AP3S1: variants seen among roughly 807,000 people sequenced by gnomAD.
AP3S1 encodes AP-3 complex subunit sigma-1.
Under a neutral mutation model 21.3 loss-of-function variants are expected in AP3S1, and 12 were observed. That is an observed-to-expected ratio of 0.56 (90% CI 0.36 to 0.91). The LOEUF (loss-of-function observed/expected upper bound fraction) is 0.91, where lower values mean the gene tolerates loss of function less well. AP3S1 is among the 40% of genes least tolerant of loss of function. The probability of loss-of-function intolerance (pLI) is 0.01; values close to 1 mark genes in which losing one functional copy is unlikely to be tolerated. For synonymous variants in AP3S1, 48 were observed against 78.4 expected (o/e 0.61, Z 2.05); for missense variants, 116 against 225.0 (o/e 0.52, Z 3.10).
chr5:115,861,718 G>C (rs1763200025), intron 1 of AP3S1, among the ~76,000 whole-genome samples: 2 of 151,548 alleles, frequency 1.3e-5, no homozygotes, highest in Non-Finnish European at 2.9e-5. Flanking sequence ...CCATGCCTGG[G>C]TAATTTTTTG....
intron 3 of AP3S1, among the ~76,000 whole-genome samples, chr5:115,875,453 G>C (rs542620707): frequency 7.9e-5 from 12 of 152,176 alleles, no homozygotes; most frequent in Non-Finnish European, 1.8e-4. Context: ...CACACTTGGT[G>C]GTGGGGTGAC....
chr5:115,912,476 T>C (rs1217618020), intron 5 of AP3S1, among the ~76,000 whole-genome samples: 1 of 152,046 alleles, frequency 6.6e-6, no homozygotes. Context: ...TGTAAGCATA[T>C]TTTCTTTTAA....
chr5:115,861,077 C>T (rs1763141941), intron 1 of AP3S1, among the ~76,000 whole-genome samples: 1 of 152,022 alleles, frequency 6.6e-6, no homozygotes, highest in Non-Finnish European at 1.5e-5. Flanking sequence ...CAGACTACTA[C>T]AAAGGAAATT....
chr5:115,848,471 G>A (rs1330776784), intron 1 of AP3S1, among the ~76,000 whole-genome samples: 1 of 152,156 alleles, frequency 6.6e-6, no homozygotes, highest in African/African-American at 2.4e-5. Flanking sequence ...TATGGTAATA[G>A]CACATTAATA....
chr5:115,843,721 A>G (rs954750147), intron 1 of AP3S1, among the ~76,000 whole-genome samples: 1 of 152,254 alleles, frequency 6.6e-6, no homozygotes, highest in Non-Finnish European at 1.5e-5. Context: ...TATTAAAAAT[A>G]GTGGGTTTCC....
chr5:115,901,225 A>G (rs1424215092), intron 4 of AP3S1, among the ~76,000 whole-genome samples: 2 of 152,126 alleles, frequency 1.3e-5, no homozygotes, highest in Admixed American at 1.3e-4. Context: ...ATATGCATAT[A>G]CACACGTATA....
At chr5:115,845,933 A>G (rs921900375) in intron 1 of AP3S1, among the ~76,000 whole-genome samples, 1 of 144,234 alleles carries the variant, frequency 6.9e-6, no homozygotes. Flanking sequence ...TCCTTGGTCT[A>G]TGACTGCACA....
intron 5 of AP3S1, 73 bp downstream of exon 5, chr5:115,903,065 A>G: frequency 8.7e-7 from 1 of 1,152,680 alleles, no homozygotes; most frequent in South Asian, 1.3e-5. Context: ...TGTAGTTTTC[A>G]CTGTTTGTCC....
At chr5:115,890,121 C>G (rs1374005213) in intron 3 of AP3S1, among the ~76,000 whole-genome samples, 2 of 152,212 alleles carry the variant, frequency 1.3e-5, no homozygotes, top group African/African-American at 2.4e-5. Flanking sequence ...CTACACGACT[C>G]TTTGACCTAG....
intron 1 of AP3S1, 28 bp from the exon 2 acceptor site, chr5:115,866,642 C>T: frequency 6.7e-7 from 1 of 1,487,088 alleles, no homozygotes; most frequent in South Asian, 1.2e-5. Flanking sequence ...ACACTCCATC[C>T]TAATATATAT....
intron 3 of AP3S1, among the ~76,000 whole-genome samples, chr5:115,885,892 A>T (rs1484296864): frequency 6.6e-6 from 1 of 152,214 alleles, no homozygotes; most frequent in East Asian, 1.9e-4. Context: ...GGAAGTTTTG[A>T]ATGAGATTTT....
intron 4 of AP3S1, 50 bp from the exon 5 acceptor site, chr5:115,902,835 T>A (rs756204759): frequency 7.5e-7 from 1 of 1,328,284 alleles, no homozygotes; most frequent in South Asian, 1.4e-5. Flanking sequence ...TCATGAAACT[T>A]CTTTTTAGTG....
chr5:115,849,054 C>G (rs1037428244), intron 1 of AP3S1, among the ~76,000 whole-genome samples: 2 of 152,134 alleles, frequency 1.3e-5, no homozygotes, highest in African/African-American at 4.8e-5. Flanking sequence ...ATCTGTCTCT[C>G]CATTACACTC....
At chr5:115,907,549 G>A (rs938363955) in intron 5 of AP3S1, among the ~76,000 whole-genome samples, 8 of 152,058 alleles carry the variant, frequency 5.3e-5, no homozygotes, top group South Asian at 2.1e-4. Context: ...TAGAATGCTC[G>A]AAAAATGGAA....
At chr5:115,888,724 T>C (rs1023917353) in intron 3 of AP3S1, among the ~76,000 whole-genome samples, 7 of 152,116 alleles carry the variant, frequency 4.6e-5, no homozygotes, top group African/African-American at 1.4e-4. Context: ...TTGTGGCATG[T>C]AGTTATCTTC....
chr5:115,875,042 C>T (rs1195440332), intron 3 of AP3S1, among the ~76,000 whole-genome samples: 1 of 152,122 alleles, frequency 6.6e-6, no homozygotes, highest in African/African-American at 2.4e-5. Flanking sequence ...AAATGATTAA[C>T]ATTTCAGTGG....
At chr5:115,869,000 C>T (rs1747981002) in intron 2 of AP3S1, among the ~76,000 whole-genome samples, 1 of 138,212 alleles carries the variant, frequency 7.2e-6, no homozygotes, top group Non-Finnish European at 1.5e-5. Flanking sequence ...GCCATTTTCC[C>T]ATATTCTGTT....
chr5:115,897,784 G>C (rs544198124), intron 4 of AP3S1, among the ~76,000 whole-genome samples: 1 of 151,906 alleles, frequency 6.6e-6, no homozygotes, highest in East Asian at 1.9e-4. Flanking sequence ...GGATGGTCTC[G>C]ATCTCCTGAC....
intron 1 of AP3S1, among the ~76,000 whole-genome samples, chr5:115,850,099 G>C (rs1762332600): frequency 6.6e-6 from 1 of 152,088 alleles, no homozygotes; most frequent in South Asian, 2.1e-4. Flanking sequence ...CACCTCTATT[G>C]TACTGAAAAG....
Sources: gnomAD v4.1 joint callset for allele counts (sites outside exome capture counted in the v4.1 genomes callset) on GRCh38, gnomAD v4.1.1 for gene constraint, MANE v1.5 for transcripts, NCBI Gene and HGNC (gene_info 2026-07-23, HGNC 2026-07-21) for gene names.